Variants in MAST4 observed in about 807,000 individuals in gnomAD.
MAST4 encodes the protein microtubule associated serine/threonine kinase family member 4.
In MAST4, 89 loss-of-function variants were observed where a neutral mutation model predicts 162.7. The ratio of observed to expected loss-of-function variants is 0.55; its 90% CI spans 0.46 to 0.65. The LOEUF (loss-of-function observed/expected upper bound fraction) is 0.65. MAST4 is among the 30% of genes least tolerant of loss of function. The pLI, the probability that MAST4 is intolerant of heterozygous loss-of-function variation, is 0.00. For synonymous variants in MAST4, 1,479 were observed against 1,361.1 expected (o/e 1.09, Z -1.91); for missense variants, 3,153 against 3,374.0 (o/e 0.93, Z 1.62).
In MAST4 at chr5:66,619,843, A is replaced by G. The variant is rs539351715; in HGVS notation, c.363+22825A>G. On this transcript the variant is annotated intron_variant, in intron 1 of 28. Coordinates refer to ENST00000403625, the MANE Select transcript of MAST4 (RefSeq NM_001164664.2). The stretch of plus-strand genomic sequence containing the variant: ...GGTCACCTTTTTTGTTGTTTGAAAC[A>G]ATAGATTTGTAAATTCTTACCAACA... Among the ~76,000 whole-genome samples the G allele has an allele frequency of 2.0e-5, 3 of 152,028 alleles. No individual in the cohort carries two copies. In the East Asian group the frequency reaches 5.8e-4, roughly 29 times the overall value.
rs527340516 is a variant in MAST4 at position 66,722,133 on chromosome 5, C to G, written c.364-37576C>G. Among the ~76,000 whole-genome samples the G allele has an allele frequency of 3.3e-4, 50 of 152,242 alleles. 1 individual carries two copies. The highest frequency in any genetic ancestry group is 7.4e-5 in the Non-Finnish European group (5 of 68,014). On this transcript the variant is annotated intron_variant, in intron 1 of 28. Transcript: ENST00000403625. Reference sequence around the variant, plus strand: ...TCCTTTTGAGATGTCAGCCAGACCACTCTTCTGCTCAAACCTCTGAAGTTT... The same window carrying G: ...TCCTTTTGAGATGTCAGCCAGACCAGTCTTCTGCTCAAACCTCTGAAGTTT...
chr5:67,000,679 C>A (rs1261943468), intron 4 of MAST4, among the ~76,000 whole-genome samples: 1 of 149,586 alleles, frequency 6.7e-6, no homozygotes, highest in Non-Finnish European at 1.5e-5. Context: ...ACCTGAGAGG[C>A]AGAGGTTGCA....
Position 66,664,444 on chromosome 5 carries a change from A to AAAG in MAST4, c.363+67428_363+67429insGAA, listed in dbSNP as rs201782934. Among the ~76,000 whole-genome samples the AAAG allele has an allele frequency of 5.8e-3, 871 of 150,128 alleles. 3 individuals are homozygous for AAAG. Among genetic ancestry groups the AAAG allele is most frequent in the South Asian group, 0.012 (58 of 4,678 alleles). On this transcript the variant is annotated intron_variant, in intron 1 of 28. Transcript: ENST00000403625. ...CAGTGAAACTCCATTTCAAAAAAAA[A>AAAG]AAAAAAAAGAAAATAGAAAATCAGG...
At chr5:66,967,427 C>T (rs1281680035) in intron 4 of MAST4, among the ~76,000 whole-genome samples, 3 of 152,060 alleles carry the variant, frequency 2.0e-5, no homozygotes, top group East Asian at 3.9e-4. Context: ...ATAGGACTTA[C>T]GTTTTGTTTA....
chr5:66,798,907 T>C (rs1379312279), intron 3 of MAST4, among the ~76,000 whole-genome samples: 3 of 152,216 alleles, frequency 2.0e-5, no homozygotes, highest in Admixed American at 6.5e-5. Flanking sequence ...CTTTGGTTCC[T>C]AAATACAGTG....
In MAST4 at chr5:67,164,402, T is replaced by C. The variant is rs903077641; in HGVS notation, c.5223T>C (p.Phe1741=). ...CGCCGGCTTCTGAGAGCCGAGCTTT[T>C]GTCAGCAGCACCCATGCAGCTCAGA... ...EPPPASESRA[F]VSSTHAAQMS... The change falls in exon 29 of 29, where the codon TTT becomes TTC. Residue 1741 remains phenylalanine (F), a synonymous_variant. Transcript: ENST00000403625. This position sits in a 1 kb window ranked among gnomAD's most constrained non-coding sequence, Gnocchi z 5.3. The C allele has an allele frequency of 1.9e-6, 3 of 1,614,024 alleles. No homozygotes were observed. In the African/African-American group the frequency reaches 4.0e-5, roughly 22 times the overall value.
intron 5 of MAST4, among the ~76,000 whole-genome samples, chr5:67,069,287 G>GATAGATATATAGATATATATAT (rs1554091653): frequency 1.9e-5 from 2 of 107,646 alleles, no homozygotes; most frequent in African/African-American, 8.2e-5. Flanking sequence ...GAGGAGATTG[G>GATAGATATATAGATATATATAT]ATATATATAT....
chr5:66,980,635 T>C lies in MAST4; in HGVS notation c.675-73769T>C, dbSNP rs561339258. Among the ~76,000 whole-genome samples, 10 of 152,346 alleles carry C rather than the reference T, an allele frequency of 6.6e-5. No individual in the cohort carries two copies. In the East Asian group the frequency reaches 1.5e-3, roughly 24 times the overall value. On this transcript the variant is annotated intron_variant, in intron 4 of 28. Transcript: ENST00000403625. ...TATTTTAAACGAGTCCTTTTTAGTA[T>C]GGTTCAACAAAGAAGGTTGTAAGTT...
chr5:67,033,395 T>C lies in MAST4; in HGVS notation c.675-21009T>C, dbSNP rs145204673. On this transcript the variant is annotated intron_variant, in intron 4 of 28. Coordinates refer to ENST00000403625, the MANE Select transcript of MAST4 (RefSeq NM_001164664.2). ...AGATACTTCTCCTTTTTGAAGAAAC[T>C]ATACAGGCAAAAAAAAAAGCAGTCA... Among the ~76,000 whole-genome samples, 120 of 137,932 alleles carry C rather than the reference T, an allele frequency of 8.7e-4. 1 individual carries two copies. Among genetic ancestry groups the C allele is most frequent in the Non-Finnish European group, 9.2e-4 (58 of 63,280 alleles). 90.5% of individuals were successfully genotyped at this position (137,932 alleles called of 152,430 possible).
At chr5:66,955,241 G>A (rs1313533529) in intron 4 of MAST4, among the ~76,000 whole-genome samples, 1 of 151,592 alleles carries the variant, frequency 6.6e-6, no homozygotes, top group East Asian at 1.9e-4. Context: ...AACACTAGAT[G>A]AGGGAGCCTT....
At chr5:66,787,309 AAAG>A (rs1462376415) in intron 2 of MAST4, among the ~76,000 whole-genome samples, 2 of 152,232 alleles carry the variant, frequency 1.3e-5, no homozygotes, top group Admixed American at 6.5e-5. Context: ...CAGGATTTCA[AAAG>A]AAGATCTAAT....
At chr5:66,971,500 C>T (rs1229574013) in intron 4 of MAST4, among the ~76,000 whole-genome samples, 2 of 152,112 alleles carry the variant, frequency 1.3e-5, no homozygotes, top group Non-Finnish European at 2.9e-5. Flanking sequence ...TTCCTCACCC[C>T]GTTTGCAAGG....
intron 5 of MAST4, among the ~76,000 whole-genome samples, chr5:67,072,890 A>T (rs545950946): frequency 6.6e-6 from 1 of 152,324 alleles, no homozygotes; most frequent in South Asian, 2.1e-4. Context: ...ACAAAACTTT[A>T]TTTGAAAAGT....
rs1246192554 is a variant in MAST4 at position 67,168,442 on chromosome 5, A to G, written c.*1391A>G. 1 of 152,158 alleles carries G rather than the reference A, an allele frequency of 6.6e-6. No individual in the cohort carries two copies. Among genetic ancestry groups the G allele is most frequent in the Non-Finnish European group, 1.5e-5 (1 of 68,028 alleles). The allele number at this position is 152,158 out of a possible 1,614,324, so 9.4% of individuals were successfully genotyped here. A position where few individuals can be genotyped will look rare whatever the true frequency, so the allele number is the denominator to read the frequency against. ...TTTACTTTTGCTAAGCCTTATTTAA[A>G]TTTTGTATACCGTGGAATATGTAGA... is the stretch of plus-strand genomic sequence containing the variant. On this transcript the variant is annotated 3_prime_UTR_variant, in exon 29 of 29. Coordinates refer to ENST00000403625, the MANE Select transcript of MAST4 (RefSeq NM_001164664.2).
At chr5:67,085,936 A>G (rs893642481) in intron 5 of MAST4, among the ~76,000 whole-genome samples, 2 of 152,208 alleles carry the variant, frequency 1.3e-5, no homozygotes, top group African/African-American at 4.8e-5. Context: ...ATCGTGTTCC[A>G]GTGCCCACTT....
intron 1 of MAST4, among the ~76,000 whole-genome samples, chr5:66,695,135 T>C (rs1749315179): frequency 6.6e-6 from 1 of 152,182 alleles, no homozygotes; most frequent in Non-Finnish European, 1.5e-5. Flanking sequence ...TTTCTTCTAG[T>C]GTTTTTATAG....
At chr5:67,029,219 G>T (rs1755024804) in intron 4 of MAST4, among the ~76,000 whole-genome samples, 1 of 152,068 alleles carries the variant, frequency 6.6e-6, no homozygotes, top group South Asian at 2.1e-4. Flanking sequence ...GCAGCTTCAA[G>T]TATTTATGGT....
intron 1 of MAST4, among the ~76,000 whole-genome samples, chr5:66,706,199 A>C (rs553687952): frequency 6.6e-6 from 1 of 152,154 alleles, no homozygotes; most frequent in African/African-American, 2.4e-5. Flanking sequence ...TTGCCATACT[A>C]TCCCCCAAAT....
chr5:66,742,135 C>T (rs2149574884), intron 1 of MAST4, among the ~76,000 whole-genome samples: 1 of 152,272 alleles, frequency 6.6e-6, no homozygotes, highest in African/African-American at 2.4e-5. Context: ...CAGAGCTGGT[C>T]TACCAGTGAG....
Sources: gnomAD v4.1 joint callset for allele counts (sites outside exome capture counted in the v4.1 genomes callset) on GRCh38, gnomAD v4.1.1 for gene constraint, Gnocchi (gnomAD v3.1) non-coding constraint, MANE v1.5 for transcripts, NCBI Gene and HGNC (gene_info 2026-07-23, HGNC 2026-07-21) for gene names.